Variants in PGAP2 observed in about 807,000 individuals in gnomAD.
PGAP2 encodes acyltransferase PGAP2.
In PGAP2, 21 loss-of-function variants were observed where a neutral mutation model predicts 33.2. The observed-to-expected ratio is 0.63, with a 90% confidence interval of 0.45 to 0.91. The LOEUF (loss-of-function observed/expected upper bound fraction) is 0.91. PGAP2 is among the 40% of genes least tolerant of loss of function. PGAP2 has a pLI of 0.00. For synonymous variants in PGAP2, 161 were observed against 172.9 expected, an observed-to-expected ratio of 0.93 and a Z score of 0.54; for missense variants, 345 against 424.0, an observed-to-expected ratio of 0.81 and a Z score of 1.64.
intron 1 of PGAP2, among the ~76,000 whole-genome samples, chr11:3,802,836 T>G (rs902082464): frequency 2.6e-5 from 4 of 151,150 alleles, no homozygotes; most frequent in African/African-American, 9.7e-5. Flanking sequence ...CTTTTTTTTT[T>G]TTTTTTTTGA....
chr11:3,802,837 T>G (rs1207935929), intron 1 of PGAP2, among the ~76,000 whole-genome samples: 1 of 151,182 alleles, frequency 6.6e-6, no homozygotes, highest in Non-Finnish European at 1.5e-5. Flanking sequence ...TTTTTTTTTT[T>G]TTTTTTTGAG....
intron 3 of PGAP2, among the ~76,000 whole-genome samples, chr11:3,821,544 G>C (rs1001335478): frequency 3.5e-4 from 53 of 152,022 alleles, no homozygotes; most frequent in African/African-American, 1.2e-3. Context: ...GATCACCAGA[G>C]GTCAGGAGTT....
In PGAP2 at chr11:3,817,413, T is replaced by C. The variant is rs1281876091; in HGVS notation, c.226T>C (p.Phe76Leu). 1 of 1,614,198 alleles carries C rather than the reference T, an allele frequency of 6.2e-7. No homozygotes were observed. The highest frequency in any genetic ancestry group is 1.7e-5 in the Admixed American group (1 of 60,012). ...SQPLDPDGTL[F>L]RLRFTAMVWW... is the part of the protein sequence containing the mutation. ...GCCTTTGGACCCCGATGGGACCTTG[T>C]TCCGGCTTCGCTTCACAGCCATGGT... The change falls in exon 3 of 7, where the codon TTC becomes CTC. Residue 76 changes from phenylalanine (F) to leucine (L), a missense_variant. Around this residue, in one of 2 missense-constraint regions of PGAP2, gnomAD observed 311 missense variants for 353.6 expected, o/e 0.88. Transcript: ENST00000278243.
chr11:3,825,478 G>GC lies in PGAP2; in HGVS notation c.*20_*21insC, dbSNP rs2089864014. 6.2e-7 allele frequency: 1 copy of GC among 1,609,112 alleles called. No homozygotes were observed. The highest frequency in any genetic ancestry group is 8.5e-7 in the Non-Finnish European group (1 of 1,178,378). On this transcript the variant is annotated 3_prime_UTR_variant, in exon 7 of 7. Coordinates refer to ENST00000278243, the MANE Select transcript of PGAP2 (RefSeq NM_014489.4). The stretch of plus-strand genomic sequence containing the variant: ...TTCTGAACCCTTCAGTCCTGCTTGG[G>GC]AGGACGCAGCCCACTGCCCAGAAAC...
At chr11:3,808,446 T>C (rs945863250), upstream of PGAP2, 5 of 1,515,164 alleles carry the variant, frequency 3.3e-6, no homozygotes, top group South Asian at 2.5e-5. Flanking sequence ...ACACGCCAGA[T>C]TGAGGAGGAG....
At chr11:3,812,299 T>C (rs1356395044) in intron 2 of PGAP2, among the ~76,000 whole-genome samples, 2 of 152,160 alleles carry the variant, frequency 1.3e-5, no homozygotes, top group African/African-American at 4.8e-5. Context: ...CATGGGGGTA[T>C]GCACCTGTAG....
At chr11:3,821,510 C>A (rs1468980867) in intron 3 of PGAP2, among the ~76,000 whole-genome samples, 1 of 152,172 alleles carries the variant, frequency 6.6e-6, no homozygotes, top group East Asian at 1.9e-4. Flanking sequence ...GTAATCCCAG[C>A]ACTTTGGGAG....
At chr11:3,797,914 T>G (rs1392843312) in exon 1 of PGAP2, 17 of 1,547,914 alleles carry the variant, frequency 1.1e-5, no homozygotes, top group African/African-American at 1.4e-5. Flanking sequence ...TCCGCCCCCT[T>G]CCTTGGAGCG....
chr11:3,812,470 C>T (rs186717330), intron 2 of PGAP2, among the ~76,000 whole-genome samples: 23 of 152,238 alleles, frequency 1.5e-4, no homozygotes, highest in African/African-American at 5.1e-4. Context: ...CCTGCTCCTT[C>T]CCAGGGCTAG....
exon 1 of PGAP2, chr11:3,797,980 A>C (rs1401078882): frequency 1.3e-6 from 2 of 1,545,768 alleles, no homozygotes; most frequent in Non-Finnish European, 1.7e-6. Flanking sequence ...CCAGAATGGC[A>C]TGGTAACTAT....
At chr11:3,797,980 A>T in exon 1 of PGAP2, 13 of 1,545,768 alleles carry the variant, frequency 8.4e-6, no homozygotes, top group Non-Finnish European at 1.1e-5. Context: ...CCAGAATGGC[A>T]TGGTAACTAT....
At chr11:3,821,397 T>A (rs1301836405) in intron 3 of PGAP2, among the ~76,000 whole-genome samples, 1 of 152,214 alleles carries the variant, frequency 6.6e-6, no homozygotes, top group Non-Finnish European at 1.5e-5. Flanking sequence ...TCGTTGGAGG[T>A]CTGCAGAAGT....
chr11:3,817,513 A>T lies in PGAP2; in HGVS notation c.326A>T (p.Tyr109Phe), dbSNP rs562379346. 1 of 1,614,122 alleles carries T rather than the reference A, an allele frequency of 6.2e-7. No homozygotes were observed. The highest frequency in any genetic ancestry group is 2.2e-5 in the East Asian group (1 of 44,870). The change falls in exon 3 of 7, where the codon TAC (tyrosine) becomes TTC (phenylalanine). Residue 109 changes from tyrosine to phenylalanine, a missense_variant. Tyr to Phe is a conservative substitution (Grantham distance 22, BLOSUM62 3). Transcript: ENST00000278243. ...TGGTCCCTGGTGTTCCACTTTGAGT[A>T]CACGGTGGCCACTGACTGTGGGGTG... is the stretch of plus-strand genomic sequence containing the variant. ...IIWSLVFHFEYTVATDCGVPN... is the reference protein window; with the variant it reads ...IIWSLVFHFEFTVATDCGVPN...
intron 3 of PGAP2, among the ~76,000 whole-genome samples, chr11:3,820,935 G>C (rs2088467418): frequency 6.6e-6 from 1 of 152,220 alleles, no homozygotes; most frequent in Non-Finnish European, 1.5e-5. Flanking sequence ...ACTTGCTCAA[G>C]GTCACCCAGC....
At chr11:3,822,492 G>A (rs529470676) in intron 3 of PGAP2, among the ~76,000 whole-genome samples, 1 of 152,052 alleles carries the variant, frequency 6.6e-6, no homozygotes, top group Non-Finnish European at 1.5e-5. Flanking sequence ...GACACATGAC[G>A]AAACCCTGTC....
Position 3,808,576 on chromosome 11 carries a change from G to GC in PGAP2, c.-83dup. On this transcript the variant is annotated 5_prime_UTR_variant, in exon 1 of 7. Coordinates refer to ENST00000278243, the MANE Select transcript of PGAP2 (RefSeq NM_014489.4). ...GCCCCCGCCGTTCGCGCTCTGACCA[G>GC]CCCGCAGAGCCAGCCCCCGACCCCG... The GC allele has an allele frequency of 7.3e-7, 1 of 1,366,558 alleles. No individual in the cohort carries two copies. The highest frequency in any genetic ancestry group is 9.4e-7 in the Non-Finnish European group (1 of 1,060,522). The allele number at this position is 1,366,558 out of a possible 1,614,324, so 84.7% of individuals were successfully genotyped here.
upstream of PGAP2, among the ~76,000 whole-genome samples, chr11:3,805,161 A>G (rs2084102012): frequency 6.6e-6 from 1 of 152,124 alleles, no homozygotes; most frequent in South Asian, 2.1e-4. Context: ...TGTGGCTGAC[A>G]TGTCTAATCA....
intron 5 of PGAP2, chr11:3,824,695 C>G: frequency 1.1e-6 from 1 of 895,132 alleles, no homozygotes; most frequent in Non-Finnish European, 1.6e-6. Context: ...GTCATAATTC[C>G]AGCGCCCCAC....
At chr11:3,803,405 G>T (rs1457658133) in intron 1 of PGAP2, among the ~76,000 whole-genome samples, 1 of 151,622 alleles carries the variant, frequency 6.6e-6, no homozygotes, top group African/African-American at 2.4e-5. Context: ...GGGATCACAG[G>T]CGTGAGCCAC....
Sources: gnomAD v4.1 joint callset for allele counts (sites outside exome capture counted in the v4.1 genomes callset) on GRCh38, gnomAD v4.1.1 for gene constraint, gnomAD v4.1.1 regional missense constraint, MANE v1.5 for transcripts, NCBI Gene and HGNC (gene_info 2026-07-23, HGNC 2026-07-21) for gene names.